Variants in BABAM2 observed in about 807,000 individuals in gnomAD.
BABAM2 encodes BRISC and BRCA1 A complex member 2, also known as BRISC and BRCA1-A complex member 2.
BABAM2 carries 31 observed loss-of-function variants against 54.7 expected under a neutral mutation model. The observed-to-expected ratio is 0.57, with a 90% CI of 0.43 to 0.77. The LOEUF is 0.77. Ranked by LOEUF, BABAM2 falls within the 30% of genes least tolerant of loss-of-function variation. The pLI is 0.00. For synonymous variants in BABAM2, 167 were observed against 162.9 expected (o/e 1.03, Z -0.19); for missense variants, 364 against 455.8 (o/e 0.80, Z 1.83).
rs1668839161 is a variant in BABAM2 at position 27,941,044 on chromosome 2, TG to T, written c.205+11139del. ...GAGGTTGTCATTGAGTTTAAATTCC[TG>T]GGAGAGAGGATCTGATTGGCAGCTT... On this transcript the variant is annotated intron_variant, in intron 3 of 11. Transcript: ENST00000379624. 2.6e-5 allele frequency among the ~76,000 whole-genome samples: 4 copies of T among 152,246 alleles called. No individual in the cohort carries two copies. The South Asian group carries it at 8.3e-4, about 32-fold the overall frequency.
At position 27,979,478 on chromosome 2, in the gene BABAM2, C is replaced by T. The variant is rs560575214; in HGVS notation, c.206-8515C>T. Among the ~76,000 whole-genome samples the T allele has an allele frequency of 2.6e-3, 399 of 152,064 alleles. 1 individual carries two copies. The highest frequency in any genetic ancestry group is 9.3e-3 in the African/African-American group (387 of 41,450). ...ATTTATATTCTTTTGGGTATATACA[C>T]AGTAATGGGATTGCAGGGTTGAATG... is the stretch of plus-strand genomic sequence containing the variant. On this transcript the variant is annotated intron_variant, in intron 3 of 11. Transcript: ENST00000379624.
At chr2:28,241,230 A>G in intron 8 of BABAM2, 93 bp from the exon 9 acceptor site, 1 of 1,260,350 alleles carries the variant, frequency 7.9e-7, no homozygotes, top group South Asian at 1.2e-5. Context: ...TCACTTTACT[A>G]TTCTTTCTGC....
chr2:28,057,949 C>T (rs1678561495), intron 6 of BABAM2, among the ~76,000 whole-genome samples: 1 of 152,048 alleles, frequency 6.6e-6, no homozygotes, highest in African/African-American at 2.4e-5. Flanking sequence ...CGAGACCATC[C>T]TGGCTAACAC....
chr2:28,204,442 T>A (rs1204127140), intron 7 of BABAM2, among the ~76,000 whole-genome samples: 1 of 152,120 alleles, frequency 6.6e-6, no homozygotes, highest in Non-Finnish European at 1.5e-5. Flanking sequence ...GGGAGAAGTA[T>A]AAGCACAGGG....
chr2:27,986,461 G>A (rs929747284), intron 3 of BABAM2, among the ~76,000 whole-genome samples: 2 of 152,050 alleles, frequency 1.3e-5, no homozygotes, highest in Non-Finnish European at 2.9e-5. Flanking sequence ...GGCCTGGAAG[G>A]GGCTGTTAAC....
intron 2 of BABAM2, among the ~76,000 whole-genome samples, chr2:27,906,233 G>T (rs1476685055): frequency 6.6e-6 from 1 of 152,100 alleles, no homozygotes; most frequent in East Asian, 1.9e-4. Context: ...AGTGCATGGT[G>T]TTGATATTTT....
intron 6 of BABAM2, among the ~76,000 whole-genome samples, chr2:28,081,219 T>C (rs1456182664): frequency 2.6e-5 from 4 of 152,184 alleles, no homozygotes; most frequent in Non-Finnish European, 4.4e-5. Context: ...GAGTCCCTTC[T>C]ACATGTAACT....
chr2:28,015,847 C>T (rs1302856366), intron 4 of BABAM2: 16 of 761,752 alleles, frequency 2.1e-5, no homozygotes, highest in South Asian at 1.6e-4. Flanking sequence ...TGCTTTTTCT[C>T]GTTCTTCACT....
intron 10 of BABAM2, among the ~76,000 whole-genome samples, chr2:28,279,700 T>A (rs2148189604): frequency 7.0e-6 from 1 of 143,668 alleles, no homozygotes; most frequent in South Asian, 2.3e-4. Context: ...AGTTTCACTC[T>A]TGTTACCCAG....
chr2:28,171,177 A>G (rs957529228), intron 7 of BABAM2, among the ~76,000 whole-genome samples: 76 of 152,088 alleles, frequency 5.0e-4, no homozygotes, highest in African/African-American at 1.8e-3. Flanking sequence ...CTAGTTGGTT[A>G]TAACAGTTGT....
intron 6 of BABAM2, among the ~76,000 whole-genome samples, chr2:28,115,827 T>C (rs1417978779): frequency 1.3e-5 from 2 of 151,336 alleles, no homozygotes; most frequent in Non-Finnish European, 3.0e-5. Flanking sequence ...AAAAATGAAA[T>C]TGGGAGGCCG....
In BABAM2 at chr2:28,045,757, G is replaced by A; in HGVS notation, c.528G>A (p.Lys176=). ...AATTTTCAGCTCGTTTCCTTTTGAA[G>A]CTGCCCGTAGATTTCAGCAATATCC... The part of the protein sequence containing the change: ...TGEFSARFLL[K]LPVDFSNIPT... Residue 176 remains lysine, a synonymous_variant, in exon 6 of 12, where the codon AAG becomes AAA. Coordinates refer to ENST00000379624, the MANE Select transcript of BABAM2 (RefSeq NM_199191.3). 1 of 1,611,430 alleles carries A rather than the reference G, an allele frequency of 6.2e-7. No individual in the cohort carries two copies. The highest frequency in any genetic ancestry group is 1.3e-5 in the African/African-American group (1 of 74,996).
intron 7 of BABAM2, among the ~76,000 whole-genome samples, chr2:28,211,722 T>C (rs1318824999): frequency 1.3e-5 from 2 of 152,142 alleles, no homozygotes; most frequent in Non-Finnish European, 2.9e-5. Context: ...TTCTTTTTCT[T>C]TGGAAGGGGT....
intron 10 of BABAM2, among the ~76,000 whole-genome samples, chr2:28,256,111 T>C (rs769780190): frequency 2.6e-5 from 4 of 152,250 alleles, no homozygotes; most frequent in Non-Finnish European, 4.4e-5. Flanking sequence ...GAACCTGTTA[T>C]CAAATCTTTA....
At chr2:28,087,433 C>A (rs1327986169) in intron 6 of BABAM2, among the ~76,000 whole-genome samples, 1 of 152,084 alleles carries the variant, frequency 6.6e-6, no homozygotes, top group Non-Finnish European at 1.5e-5. Context: ...ACTTGCTTAC[C>A]TGAGGCAGAA....
At chr2:28,117,627 T>A (rs1281094879) in intron 6 of BABAM2, among the ~76,000 whole-genome samples, 5 of 152,192 alleles carry the variant, frequency 3.3e-5, no homozygotes, top group Non-Finnish European at 7.3e-5. Flanking sequence ...CTCTTCTATA[T>A]ATGGGAAATA....
At chr2:27,906,069 A>G (rs535964635) in intron 2 of BABAM2, among the ~76,000 whole-genome samples, 1 of 152,188 alleles carries the variant, frequency 6.6e-6, no homozygotes, top group Non-Finnish European at 1.5e-5. Context: ...AAGATAGATA[A>G]TGCAGGGAGT....
intron 2 of BABAM2, among the ~76,000 whole-genome samples, chr2:27,907,818 A>C (rs867348545): frequency 5.3e-5 from 8 of 152,186 alleles, no homozygotes; most frequent in African/African-American, 1.7e-4. Flanking sequence ...ACTTAGCATA[A>C]TATCTTCAAG....
At chr2:27,943,869 G>A (rs1291216204) in intron 3 of BABAM2, among the ~76,000 whole-genome samples, 3 of 152,178 alleles carry the variant, frequency 2.0e-5, no homozygotes, top group African/African-American at 7.2e-5. Flanking sequence ...TGAAAGGCAA[G>A]TAAAGAGTGC....
Sources: allele counts gnomAD v4.1 joint callset (sites outside exome capture counted in the v4.1 genomes callset), GRCh38; gene constraint gnomAD v4.1.1; transcripts MANE v1.5; gene names NCBI Gene and HGNC (gene_info 2026-07-23, HGNC 2026-07-21).